Variants in RGSL1 observed in about 807,000 individuals in gnomAD.
RGSL1 encodes regulator of G protein signaling protein-like.
Under a neutral mutation model 124.7 loss-of-function variants are expected in RGSL1, and 97 were observed. The ratio of observed to expected loss-of-function variants is 0.78; its 90% CI spans 0.66 to 0.92. The LOEUF is 0.92. RGSL1 is among the 40% of genes least tolerant of loss of function. The pLI, the probability that RGSL1 is intolerant of heterozygous loss-of-function variation, is 0.00. For missense variants in RGSL1, 1,233 were observed against 1,288.4 expected, an observed-to-expected ratio of 0.96 and a Z score of 0.66; for synonymous variants, 424 against 438.1, an observed-to-expected ratio of 0.97 and a Z score of 0.40.
chr1:182,454,377 C>CT (rs1179493144), intron 2 of RGSL1, among the ~76,000 whole-genome samples: 1 of 152,146 alleles, frequency 6.6e-6, no homozygotes, highest in African/African-American at 2.4e-5. Flanking sequence ...TGGCATTCCC[C>CT]CACCTCTGAA....
upstream of RGSL1, chr1:182,450,030 T>C: frequency 2.0e-6 from 2 of 981,840 alleles, no homozygotes; most frequent in Non-Finnish European, 3.2e-6. Flanking sequence ...ACACCAGAGG[T>C]AAGTAGATCA....
chr1:182,522,378 C>G (rs1391784550), intron 10 of RGSL1, among the ~76,000 whole-genome samples: 1 of 152,140 alleles, frequency 6.6e-6, no homozygotes, highest in Non-Finnish European at 1.5e-5. Context: ...CTACCTCCTT[C>G]CATGAGTGTA....
chr1:182,472,488 C>T lies in RGSL1; in HGVS notation c.394C>T (p.Leu132Phe). 1.3e-6 allele frequency: 2 copies of T among 1,551,002 alleles called. No homozygotes were observed. Among genetic ancestry groups the T allele is most frequent in the Non-Finnish European group, 1.7e-6 (2 of 1,146,480 alleles). The change falls in exon 5 of 22, where the codon CTC becomes TTC. Residue 132 changes from leucine (L) to phenylalanine (F), a missense_variant. Leu to Phe is a conservative substitution (Grantham distance 22, BLOSUM62 0). Coordinates refer to ENST00000294854, the MANE Select transcript of RGSL1 (RefSeq NM_001137669.2). ...AGTGAGAGACTACTACCTGTCCCTC[C>T]TCCTCATGCTGAGGGCCACTCATCT... ...LEVRDYYLSL[L>F]LMLRATHLQE... is the part of the protein sequence containing the mutation.
rs140096097 is a variant in RGSL1 at position 182,558,823 on chromosome 1, T to C, written c.*166-1456T>C. On this transcript the variant is annotated intron_variant, in intron 21 of 21. Coordinates refer to ENST00000294854, the MANE Select transcript of RGSL1 (RefSeq NM_001137669.2). ...GGCCCACCCAGACAATCCAGAATAA[T>C]GTCTCTGTTTTAAGGTCCTTAGCCT... 6.1e-3 allele frequency among the ~76,000 whole-genome samples: 925 copies of C among 152,256 alleles called. 11 individuals carry two copies. The highest frequency in any genetic ancestry group is 0.021 in the African/African-American group (871 of 41,548).
At chr1:182,472,686 G>A (rs1653946734) in intron 5 of RGSL1, 129 bp downstream of exon 5, 1 of 950,572 alleles carries the variant, frequency 1.1e-6, no homozygotes, top group East Asian at 2.7e-5. Flanking sequence ...AGAGAGGCTA[G>A]TGGCAACCCC....
At chr1:182,459,048 C>T (rs1558227135) in intron 3 of RGSL1, among the ~76,000 whole-genome samples, 2 of 152,150 alleles carry the variant, frequency 1.3e-5, no homozygotes, top group South Asian at 2.1e-4. Flanking sequence ...AAGGGCACTT[C>T]TAAGCAAGAA....
chr1:182,509,657 C>G, intron 9 of RGSL1, among the ~76,000 whole-genome samples: 1 of 129,460 alleles, frequency 7.7e-6, no homozygotes, highest in South Asian at 2.6e-4. Context: ...GGCGGCTGGC[C>G]GGGCGGGGGG....
At chr1:182,513,689 A>G (rs543733265) in intron 9 of RGSL1, among the ~76,000 whole-genome samples, 3 of 152,100 alleles carry the variant, frequency 2.0e-5, no homozygotes. Flanking sequence ...GACCAAGGCA[A>G]CCACTTTCAG....
intron 6 of RGSL1, among the ~76,000 whole-genome samples, chr1:182,485,854 A>G (rs1571545229): frequency 6.6e-6 from 1 of 152,220 alleles, no homozygotes; most frequent in Non-Finnish European, 1.5e-5. Flanking sequence ...GGGCACATGG[A>G]TAATACATGA....
chr1:182,466,184 C>T (rs1282667427), intron 4 of RGSL1, among the ~76,000 whole-genome samples: 3 of 151,950 alleles, frequency 2.0e-5, no homozygotes, highest in Non-Finnish European at 4.4e-5. Context: ...ATAAAAGCTA[C>T]ATATGAAAAA....
At chr1:182,509,652 CTGG>C (rs1657196699) in intron 9 of RGSL1, among the ~76,000 whole-genome samples, 1 of 131,382 alleles carries the variant, frequency 7.6e-6, no homozygotes, top group Non-Finnish European at 1.7e-5. Flanking sequence ...GACGGGGCGG[CTGG>C]CCGGGCGGGG....
At chr1:182,537,258 A>G (rs780385518) in intron 14 of RGSL1, among the ~76,000 whole-genome samples, 5 of 152,180 alleles carry the variant, frequency 3.3e-5, no homozygotes, top group Non-Finnish European at 7.4e-5. Context: ...GCACAATACA[A>G]AATTTATTCA....
At chr1:182,533,121 G>T (rs190063045) in intron 14 of RGSL1, among the ~76,000 whole-genome samples, 4 of 152,220 alleles carry the variant, frequency 2.6e-5, no homozygotes, top group African/African-American at 7.2e-5. Context: ...AATACATGCT[G>T]TTAATAAAGA....
intron 9 of RGSL1, among the ~76,000 whole-genome samples, chr1:182,517,663 G>T (rs1658001583): frequency 6.6e-6 from 1 of 151,952 alleles, no homozygotes; most frequent in African/African-American, 2.4e-5. Flanking sequence ...GCTGTTGAGA[G>T]CCTCTAATGA....
intron 17 of RGSL1, chr1:182,549,955 T>C (rs937486760): frequency 1.3e-5 from 2 of 152,212 alleles, no homozygotes; most frequent in Non-Finnish European, 2.9e-5. Flanking sequence ...TATGCTTCTC[T>C]TGAATGAGCC....
At chr1:182,485,937 T>C (rs12026322) in intron 6 of RGSL1, among the ~76,000 whole-genome samples, 9,279 of 152,308 alleles carry the variant, frequency 0.061, 400 homozygotes, top group South Asian at 0.18. Flanking sequence ...CATACTACCA[T>C]GTCCTACAAC....
chr1:182,530,936 G>A (rs1465368051), intron 13 of RGSL1, 26 bp downstream of exon 13: 1 of 1,535,410 alleles, frequency 6.5e-7, no homozygotes, highest in Non-Finnish European at 8.8e-7. Flanking sequence ...AGTGAAACAA[G>A]ACATTAGAGA....
At chr1:182,498,286 CTT>C (rs1656080944) in intron 9 of RGSL1, among the ~76,000 whole-genome samples, 1 of 70,094 alleles carries the variant, frequency 1.4e-5, no homozygotes, top group African/African-American at 4.2e-5. Context: ...TGGAATGTCT[CTT>C]GAGCATGCTC....
At chr1:182,498,385 C>T (rs7416893) in intron 9 of RGSL1, among the ~76,000 whole-genome samples, 2 of 152,020 alleles carry the variant, frequency 1.3e-5, no homozygotes, top group African/African-American at 4.8e-5. Flanking sequence ...GAGCCTCATT[C>T]CTTTTCTTAG....
Sources: allele counts gnomAD v4.1 joint callset (sites outside exome capture counted in the v4.1 genomes callset), GRCh38; gene constraint gnomAD v4.1.1; transcripts MANE v1.5; gene names NCBI Gene and HGNC (gene_info 2026-07-23, HGNC 2026-07-21).